DCC: variants seen among roughly 807,000 people sequenced by gnomAD.
DCC encodes the protein DCC netrin 1 receptor.
DCC carries 58 observed loss-of-function variants against 172.5 expected under a neutral mutation model. That is an observed-to-expected ratio of 0.34 (90% CI 0.27 to 0.42). DCC has a LOEUF of 0.42. DCC is among the 10% of genes least tolerant of loss of function. The probability of loss-of-function intolerance (pLI) is 1.00; values close to 1 mark genes in which losing one functional copy is unlikely to be tolerated. For missense variants in DCC, 1,740 were observed against 1,791.0 expected (o/e 0.97, Z 0.51); for synonymous variants, 709 against 644.5 (o/e 1.10, Z -1.52).
chr18:53,060,706 T>C (rs1346092869), intron 5 of DCC, among the ~76,000 whole-genome samples: 1 of 152,190 alleles, frequency 6.6e-6, no homozygotes, highest in African/African-American at 2.4e-5. Flanking sequence ...TTTTAGGGAT[T>C]CACTACGTGA....
At chr18:53,031,258 CAATAA>C (rs1030205007) in intron 5 of DCC, among the ~76,000 whole-genome samples, 1 of 152,080 alleles carries the variant, frequency 6.6e-6, no homozygotes, top group African/African-American at 2.4e-5. Context: ...AACTCTCTCT[CAATAA>C]AATAAAATAA....
intron 9 of DCC, among the ~76,000 whole-genome samples, chr18:53,204,190 A>AC (rs1469822167): frequency 6.6e-6 from 1 of 151,382 alleles, no homozygotes; most frequent in African/African-American, 2.4e-5. Context: ...GGAAAAAAGA[A>AC]AAAAAAACCC....
intron 1 of DCC, among the ~76,000 whole-genome samples, chr18:52,708,527 C>T (rs936547761): frequency 2.6e-5 from 4 of 151,860 alleles, no homozygotes; most frequent in Non-Finnish European, 4.4e-5. Context: ...CATCCAATAA[C>T]AGAGGCCAAA....
At chr18:52,737,786 G>A (rs1013143017) in intron 1 of DCC, among the ~76,000 whole-genome samples, 5 of 152,144 alleles carry the variant, frequency 3.3e-5, no homozygotes, top group African/African-American at 4.8e-5. Flanking sequence ...TGAATACGAT[G>A]AAGAACTTCA....
chr18:52,927,714 A>G (rs8096407), intron 5 of DCC, among the ~76,000 whole-genome samples: 59,553 of 151,810 alleles, frequency 0.39, 12,292 homozygotes, highest in Non-Finnish European at 0.47. Flanking sequence ...GAGAACCACC[A>G]TCTCACACCA....
chr18:52,794,961 A>G (rs919346547), intron 2 of DCC, among the ~76,000 whole-genome samples: 7 of 152,034 alleles, frequency 4.6e-5, no homozygotes, highest in African/African-American at 1.7e-4. Context: ...CCATCCTTGC[A>G]TCCCTGAGAC....
intron 26 of DCC, among the ~76,000 whole-genome samples, chr18:53,487,554 C>A (rs558814824): frequency 1.3e-4 from 17 of 127,770 alleles, no homozygotes; most frequent in African/African-American, 4.7e-4. Context: ...TTTTTGAGCA[C>A]AGTGTTTTAA....
At chr18:53,011,617 T>C (rs1599026350) in intron 5 of DCC, among the ~76,000 whole-genome samples, 1 of 151,838 alleles carries the variant, frequency 6.6e-6, no homozygotes, top group Non-Finnish European at 1.5e-5. Flanking sequence ...TGTAAAAGCA[T>C]TTTTAATGGA....
chr18:52,474,116 G>T (rs1258404644), intron 1 of DCC, among the ~76,000 whole-genome samples: 1 of 151,766 alleles, frequency 6.6e-6, no homozygotes, highest in Non-Finnish European at 1.5e-5. Context: ...CCCTCAGAAT[G>T]GCTGACAACT....
chr18:52,918,589 A>G (rs1485910945), intron 3 of DCC, among the ~76,000 whole-genome samples: 1 of 152,140 alleles, frequency 6.6e-6, no homozygotes, highest in African/African-American at 2.4e-5. Context: ...TTATTTTAAA[A>G]CCTTTAGAAA....
At chr18:52,802,538 G>A (rs959088654) in intron 2 of DCC, among the ~76,000 whole-genome samples, 4 of 145,724 alleles carry the variant, frequency 2.7e-5, no homozygotes, top group Non-Finnish European at 6.1e-5. Flanking sequence ...GCAGTGGCAT[G>A]AACAGGGCCG....
intron 15 of DCC, among the ~76,000 whole-genome samples, chr18:53,364,228 T>C (rs1215511651): frequency 6.6e-6 from 1 of 152,168 alleles, no homozygotes; most frequent in East Asian, 1.9e-4. Context: ...AGTCCTCAAT[T>C]TCCACACCGT....
At chr18:53,131,105 G>A (rs1179620935) in intron 7 of DCC, among the ~76,000 whole-genome samples, 2 of 152,048 alleles carry the variant, frequency 1.3e-5, no homozygotes, top group Non-Finnish European at 2.9e-5. Context: ...CCTCAGAATA[G>A]GGATGGCACC....
intron 2 of DCC, chr18:52,892,606 T>A (rs948156718): frequency 2.0e-5 from 3 of 152,068 alleles, no homozygotes; most frequent in African/African-American, 7.2e-5. Flanking sequence ...TTCTGGTGAG[T>A]TTGAGACACA....
chr18:52,895,869 C>T (rs1042081720), intron 2 of DCC, among the ~76,000 whole-genome samples: 1 of 152,078 alleles, frequency 6.6e-6, no homozygotes, highest in African/African-American at 2.4e-5. Context: ...ATGGCAATCT[C>T]GGCCTCCTGG....
chr18:53,050,936 C>A (rs1038293081), intron 5 of DCC, among the ~76,000 whole-genome samples: 1 of 152,064 alleles, frequency 6.6e-6, no homozygotes, highest in Non-Finnish European at 1.5e-5. Context: ...TCCAAAAAAA[C>A]AAAAACTTTC....
At chr18:52,488,821 C>A (rs1238114872) in intron 1 of DCC, among the ~76,000 whole-genome samples, 1 of 152,060 alleles carries the variant, frequency 6.6e-6, no homozygotes, top group Non-Finnish European at 1.5e-5. Context: ...TCATTGTGTT[C>A]TCTGCATGCC....
Position 52,549,703 on chromosome 18 carries a change from C to T in DCC, c.92-202351C>T, listed in dbSNP as rs369936616. Among the ~76,000 whole-genome samples the T allele has an allele frequency of 9.2e-5, 14 of 152,160 alleles. No homozygotes were observed. In the East Asian group the frequency reaches 1.4e-3, roughly 15 times the overall value. ...TCTCCTATTTTATCAAGCAGCCTTACTAACACAGAGTTTCATCTTTTGCCA... is the reference window on the plus strand; with the variant it reads ...TCTCCTATTTTATCAAGCAGCCTTATTAACACAGAGTTTCATCTTTTGCCA... On this transcript the variant is annotated intron_variant, in intron 1 of 28. Transcript: ENST00000442544.
At chr18:52,651,936 G>C (rs1489736226) in intron 1 of DCC, among the ~76,000 whole-genome samples, 1 of 152,130 alleles carries the variant, frequency 6.6e-6, no homozygotes, top group South Asian at 2.1e-4. Context: ...TCAAAGAAAG[G>C]AGTATAAAAA....
Sources: gnomAD v4.1 joint callset for allele counts (sites outside exome capture counted in the v4.1 genomes callset) on GRCh38, gnomAD v4.1.1 for gene constraint, MANE v1.5 for transcripts, NCBI Gene and HGNC (gene_info 2026-07-23, HGNC 2026-07-21) for gene names.